KHNYN: variants seen among roughly 807,000 people sequenced by gnomAD.
The protein encoded by KHNYN is KH and NYN domain containing, also known as protein KHNYN.
Under a neutral mutation model 62.7 loss-of-function variants are expected in KHNYN, and 42 were observed. That is an observed-to-expected ratio of 0.67 (90% CI 0.52 to 0.87). The LOEUF is 0.87. Among genes scored for constraint, KHNYN ranks in the 40% least tolerant of loss-of-function variants. The pLI is 0.00. For missense variants in KHNYN, 829 were observed against 874.1 expected (o/e 0.95, Z 0.65); for synonymous variants, 347 against 345.6 (o/e 1.00, Z -0.04).
At position 24,440,790 on chromosome 14, in the gene KHNYN, C is replaced by T. The variant is rs1476631626; in HGVS notation, c.*3505C>T. Reference sequence around the variant, plus strand: ...CCCAGGCCCGTTTCTCACCTGAGCGCACCACCACCTGGCGTGTAGAATCTC... The same window carrying T: ...CCCAGGCCCGTTTCTCACCTGAGCGTACCACCACCTGGCGTGTAGAATCTC... On this transcript the variant is annotated 3_prime_UTR_variant, in exon 8 of 8. Transcript: ENST00000553935. 1.2e-6 allele frequency: 2 copies of T among 1,613,756 alleles called. No individual in the cohort carries two copies. Among genetic ancestry groups the T allele is most frequent in the Non-Finnish European group, 1.7e-6 (2 of 1,179,840 alleles).
chr14:24,427,815 A>G (rs2043034797), upstream of KHNYN: 1 of 1,614,134 alleles, frequency 6.2e-7, no homozygotes, highest in Non-Finnish European at 8.5e-7. The surrounding 1 kb of genome is among the most constrained non-coding windows in gnomAD (Gnocchi z 4.4). Context: ...AGGAAGCCAG[A>G]GAAACTTGAG....
upstream of KHNYN, among the ~76,000 whole-genome samples, chr14:24,425,953 T>C (rs1039652703): frequency 7.9e-5 from 12 of 152,212 alleles, no homozygotes; most frequent in East Asian, 1.5e-3. Context: ...CCTACTTACA[T>C]AGATAAAGAA....
At chr14:24,429,857 C>T (rs2043071381), upstream of KHNYN, 3 of 1,012,670 alleles carry the variant, frequency 3.0e-6, no homozygotes, top group African/African-American at 1.7e-5. Flanking sequence ...GCGGGCCCGT[C>T]GGGGCCTCTG....
upstream of KHNYN, among the ~76,000 whole-genome samples, chr14:24,424,618 A>G (rs953386433): frequency 1.3e-5 from 2 of 152,252 alleles, no homozygotes; most frequent in African/African-American, 4.8e-5. Context: ...CTAAACTCAG[A>G]GAACTTTCTA....
At chr14:24,424,748 G>A (rs573079556), upstream of KHNYN, among the ~76,000 whole-genome samples, 10 of 152,184 alleles carry the variant, frequency 6.6e-5, no homozygotes, top group East Asian at 5.8e-4. Flanking sequence ...TCCTACAACC[G>A]TAAGGAACTG....
In KHNYN at chr14:24,440,196, G is replaced by A. The variant is rs574298180; in HGVS notation, c.*2911G>A. On this transcript the variant is annotated 3_prime_UTR_variant, in exon 8 of 8. Transcript: ENST00000553935. ...TGGCCCTCCAGCAGCATGATGGCAC[G>A]CTGTCGCCCAAAGACAGCTTGCACC... 30 of 1,613,962 alleles carry A rather than the reference G, an allele frequency of 1.9e-5. 1 individual carries two copies. Among genetic ancestry groups the A allele is most frequent in the Admixed American group, 3.3e-5 (2 of 60,008 alleles).
rs2043250252 is a variant in KHNYN at position 24,439,023 on chromosome 14, T to G, written c.*1738T>G. ...GGGGGCAGGTGTGTTGGAGACAGGCTGGTCAAAGAGGTGACAATGATTAAG... is the reference window on the plus strand; with the variant it reads ...GGGGGCAGGTGTGTTGGAGACAGGCGGGTCAAAGAGGTGACAATGATTAAG... On this transcript the variant is annotated 3_prime_UTR_variant, in exon 8 of 8. Transcript: ENST00000553935. 2.7e-5 allele frequency: 4 copies of G among 145,634 alleles called. No homozygotes were observed. The highest frequency in any genetic ancestry group is 2.7e-4 in the Admixed American group (4 of 15,006). 9.0% of individuals were successfully genotyped at this position (145,634 alleles called of 1,614,324 possible). A position where few individuals can be genotyped will look rare whatever the true frequency, so the allele number is the denominator to read the frequency against.
At chr14:24,431,437 C>T in intron 2 of KHNYN, 26 bp from the exon 3 acceptor site, 1 of 1,535,334 alleles carries the variant, frequency 6.5e-7, no homozygotes, top group South Asian at 1.3e-5. Flanking sequence ...GTTTACTTTT[C>T]CTGACCTTCC....
chr14:24,425,398 A>G (rs2043010374), upstream of KHNYN, among the ~76,000 whole-genome samples: 1 of 152,142 alleles, frequency 6.6e-6, no homozygotes, highest in Non-Finnish European at 1.5e-5. Context: ...ATTGGTGCAT[A>G]TTTCAGAAAG....
upstream of KHNYN, among the ~76,000 whole-genome samples, chr14:24,424,637 T>A (rs1197892337): frequency 3.3e-5 from 5 of 152,204 alleles, no homozygotes; most frequent in Non-Finnish European, 7.3e-5. Context: ...TACACTGAAG[T>A]CAGAGAGATG....
Position 24,441,806 on chromosome 14 carries a change from A to C in KHNYN, c.*4521A>C. On this transcript the variant is annotated 3_prime_UTR_variant, in exon 8 of 8. Coordinates refer to ENST00000553935, the MANE Select transcript of KHNYN (RefSeq NM_015299.3). ...AAGGTTTCATTCCATCTGCAGGAGA[A>C]ACATGGGAAATAAAAAGCCACTAAA... 6.2e-7 allele frequency: 1 copy of C among 1,604,178 alleles called. No individual in the cohort carries two copies. The highest frequency in any genetic ancestry group is 8.5e-7 in the Non-Finnish European group (1 of 1,176,052).
At chr14:24,431,322 T>C in intron 2 of KHNYN, 141 bp from the exon 3 acceptor site, 1 of 673,614 alleles carries the variant, frequency 1.5e-6, no homozygotes, top group Admixed American at 3.1e-5. Flanking sequence ...GATGGGAGTC[T>C]CAGTTTCCTT....
At position 24,441,045 on chromosome 14, in the gene KHNYN, G is replaced by A; in HGVS notation, c.*3760G>A. ...CTTAGGATCTCCCCATTTGGAGACAGAGCCATTTGGATATTTTCCCCTTGA... is the reference window on the plus strand; with the variant it reads ...CTTAGGATCTCCCCATTTGGAGACAAAGCCATTTGGATATTTTCCCCTTGA... On this transcript the variant is annotated 3_prime_UTR_variant, in exon 8 of 8. Transcript: ENST00000553935. 1 of 1,093,272 alleles carries A rather than the reference G, an allele frequency of 9.1e-7. No individual in the cohort carries two copies. 67.7% of individuals were successfully genotyped at this position (1,093,272 alleles called of 1,614,324 possible).
chr14:24,425,514 T>A (rs556577565), upstream of KHNYN, among the ~76,000 whole-genome samples: 42 of 152,292 alleles, frequency 2.8e-4, no homozygotes, highest in Middle Eastern at 3.4e-3. Context: ...GGTGGCAAGC[T>A]AAGGATGGTA....
chr14:24,431,301 A>T (rs2043107231), intron 2 of KHNYN, among the ~76,000 whole-genome samples, 162 bp from the exon 3 acceptor site: 1 of 152,118 alleles, frequency 6.6e-6, no homozygotes, highest in Non-Finnish European at 1.5e-5. Context: ...TCAATCATGT[A>T]CCAGCTTTGT....
intron 1 of KHNYN, 31 bp downstream of exon 1, chr14:24,430,150 C>G (rs986269385): frequency 1.0e-6 from 1 of 982,690 alleles, no homozygotes; most frequent in Non-Finnish European, 1.2e-6. Flanking sequence ...CGCCCGGGAG[C>G]GGGGAGCGGG....
At chr14:24,435,324 T>C (rs2043189010) in intron 5 of KHNYN, 1 of 152,192 alleles carries the variant, frequency 6.6e-6, no homozygotes, top group Non-Finnish European at 1.5e-5. Context: ...TAAGGGTGAT[T>C]TGAGCTGGCC....
intron 5 of KHNYN, among the ~76,000 whole-genome samples, chr14:24,433,688 A>G (rs1594755907): frequency 2.0e-5 from 3 of 152,362 alleles, no homozygotes; most frequent in African/African-American, 7.2e-5. Flanking sequence ...GTGCTAGGCA[A>G]GAGTACAGTG....
intron 5 of KHNYN, among the ~76,000 whole-genome samples, chr14:24,434,909 A>G (rs546511861): frequency 1.3e-5 from 2 of 152,336 alleles, no homozygotes; most frequent in African/African-American, 4.8e-5. Flanking sequence ...GAGAGCCGAA[A>G]GAAACCATAA....
Sources: gnomAD v4.1 joint callset for allele counts (sites outside exome capture counted in the v4.1 genomes callset) on GRCh38, gnomAD v4.1.1 for gene constraint, Gnocchi (gnomAD v3.1) non-coding constraint, MANE v1.5 for transcripts, NCBI Gene and HGNC (gene_info 2026-07-23, HGNC 2026-07-21) for gene names.